The following DNAJC1 variants were observed in gnomAD, a reference collection of about 807,000 sequenced individuals.
DNAJC1 encodes DnaJ heat shock protein family (Hsp40) member C1.
Under a neutral mutation model 76.6 loss-of-function variants are expected in DNAJC1, and 58 were observed. That is an observed-to-expected ratio of 0.76 (90% CI 0.61 to 0.94). DNAJC1 has a LOEUF of 0.94. Among genes scored for constraint, DNAJC1 ranks in the 40% least tolerant of loss-of-function variants. The pLI, the probability that DNAJC1 is intolerant of heterozygous loss-of-function variation, is 0.00. For missense variants in DNAJC1, 689 were observed against 677.3 expected (o/e 1.02, Z -0.19); for synonymous variants, 258 against 267.9 (o/e 0.96, Z 0.36).
intron 8 of DNAJC1, 118 bp downstream of exon 8, chr10:21,882,164 A>T (rs955055792): frequency 2.0e-6 from 2 of 1,008,986 alleles, no homozygotes; most frequent in Non-Finnish European, 2.8e-6. Flanking sequence ...AAACAAAACA[A>T]AACAATAGTA....
chr10:21,892,184 T>A (rs905680093), intron 7 of DNAJC1, among the ~76,000 whole-genome samples: 4 of 151,408 alleles, frequency 2.6e-5, no homozygotes, highest in Non-Finnish European at 1.5e-5. Flanking sequence ...AAAAATAAAT[T>A]CAAGTGGCAT....
At chr10:21,945,669 T>C (rs1837492200) in intron 1 of DNAJC1, among the ~76,000 whole-genome samples, 1 of 152,158 alleles carries the variant, frequency 6.6e-6, no homozygotes, top group Non-Finnish European at 1.5e-5. Flanking sequence ...ATATATAAAA[T>C]GTCACGGCCA....
intron 3 of DNAJC1, among the ~76,000 whole-genome samples, chr10:21,927,687 A>AACTATT (rs1398746300): frequency 6.6e-6 from 1 of 152,278 alleles, no homozygotes; most frequent in Admixed American, 6.5e-5. Context: ...TATCTTGTGA[A>AACTATT]ACTATTGTTT....
chr10:21,926,496 C>T (rs1356609366), intron 3 of DNAJC1, among the ~76,000 whole-genome samples: 7 of 152,048 alleles, frequency 4.6e-5, no homozygotes, highest in Admixed American at 3.3e-4. Context: ...AACTGTGATA[C>T]CAAAATGCAT....
chr10:21,933,129 A>G (rs1248982542), intron 1 of DNAJC1: 1 of 152,320 alleles, frequency 6.6e-6, no homozygotes, highest in Non-Finnish European at 1.5e-5. Flanking sequence ...TTAATTGATT[A>G]TCAAAAAGCT....
chr10:21,829,480 T>G (rs1054646530), intron 8 of DNAJC1, among the ~76,000 whole-genome samples: 4 of 152,222 alleles, frequency 2.6e-5, no homozygotes, highest in Admixed American at 6.5e-5. Context: ...CCTCCCAAAG[T>G]GCTGGGATTA....
chr10:21,984,823 G>T (rs934255227), intron 1 of DNAJC1, among the ~76,000 whole-genome samples: 2 of 152,138 alleles, frequency 1.3e-5, no homozygotes, highest in Non-Finnish European at 2.9e-5. Flanking sequence ...AAAACATAGT[G>T]AGACCAAGTT....
At chr10:21,919,119 C>T (rs2807977) in intron 5 of DNAJC1, among the ~76,000 whole-genome samples, 150,666 of 152,030 alleles carry the variant, frequency 0.99, 74,709 homozygotes, top group Middle Eastern at 1. Flanking sequence ...GGGAAGGAGG[C>T]TCCTAATCAA....
At chr10:21,941,927 A>T (rs1248750946) in intron 1 of DNAJC1, among the ~76,000 whole-genome samples, 2 of 152,164 alleles carry the variant, frequency 1.3e-5, no homozygotes, top group Non-Finnish European at 2.9e-5. Flanking sequence ...GGTAACCACT[A>T]TGTAACAGAA....
At chr10:21,963,449 G>C (rs368494584) in intron 1 of DNAJC1, among the ~76,000 whole-genome samples, 126 of 152,240 alleles carry the variant, frequency 8.3e-4, no homozygotes, top group African/African-American at 2.9e-3. Flanking sequence ...TAGATTAAAG[G>C]GTTAAAAGAT....
At chr10:21,960,383 C>T (rs1361897355) in intron 1 of DNAJC1, among the ~76,000 whole-genome samples, 1 of 152,024 alleles carries the variant, frequency 6.6e-6, no homozygotes, top group Non-Finnish European at 1.5e-5. Flanking sequence ...GGAATAAAAA[C>T]ATGTAAGATA....
At chr10:21,853,415 T>C (rs1835785512) in intron 8 of DNAJC1, among the ~76,000 whole-genome samples, 1 of 152,142 alleles carries the variant, frequency 6.6e-6, no homozygotes. Flanking sequence ...AGATTAACCC[T>C]GGGAGAGAGT....
intron 1 of DNAJC1, among the ~76,000 whole-genome samples, chr10:21,967,056 G>A: frequency 7.2e-6 from 1 of 139,192 alleles, no homozygotes; most frequent in East Asian, 2.1e-4. Flanking sequence ...ATTTTTTACA[G>A]TCTTACTGAA....
chr10:21,905,122 G>A (rs1590041889), intron 6 of DNAJC1, among the ~76,000 whole-genome samples: 1 of 151,792 alleles, frequency 6.6e-6, no homozygotes, highest in Non-Finnish European at 1.5e-5. Flanking sequence ...CCTTAGAGAC[G>A]AGTATAAAAA....
intron 9 of DNAJC1, among the ~76,000 whole-genome samples, chr10:21,794,170 T>C (rs1276484390): frequency 6.7e-6 from 1 of 149,950 alleles, no homozygotes; most frequent in Non-Finnish European, 1.5e-5. Flanking sequence ...TTTGAGAGGC[T>C]GAGGTGGAAG....
chr10:21,768,627 T>C (rs548770239), intron 9 of DNAJC1, among the ~76,000 whole-genome samples: 1 of 152,364 alleles, frequency 6.6e-6, no homozygotes, highest in African/African-American at 2.4e-5. Flanking sequence ...AATTAGAACA[T>C]TTAAAGCTGC....
intron 10 of DNAJC1, among the ~76,000 whole-genome samples, chr10:21,763,567 T>TG (rs938345287): frequency 2.0e-5 from 3 of 148,252 alleles, no homozygotes; most frequent in Non-Finnish European, 4.5e-5. Flanking sequence ...TGCAGGTTGT[T>TG]TTTTTTTTTT....
At chr10:21,788,533 A>G (rs1834641541) in intron 9 of DNAJC1, among the ~76,000 whole-genome samples, 4 of 152,116 alleles carry the variant, frequency 2.6e-5, no homozygotes, top group African/African-American at 9.7e-5. Flanking sequence ...GGCTGTTAAG[A>G]CACCTCCCTG....
intron 3 of DNAJC1, among the ~76,000 whole-genome samples, chr10:21,924,896 T>C (rs942192166): frequency 1.3e-5 from 2 of 152,204 alleles, no homozygotes; most frequent in African/African-American, 4.8e-5. Context: ...TAGGCAATTA[T>C]AACACAATGG....
Sources: gnomAD v4.1 joint callset for allele counts (sites outside exome capture counted in the v4.1 genomes callset) on GRCh38, gnomAD v4.1.1 for gene constraint, MANE v1.5 for transcripts, NCBI Gene and HGNC (gene_info 2026-07-23, HGNC 2026-07-21) for gene names.